Variants in DPP6 observed in about 807,000 individuals in gnomAD.
DPP6 encodes the protein dipeptidyl peptidase like 6.
A neutral mutation model predicts 122.6 loss-of-function variants in DPP6; 69 were observed. The observed-to-expected ratio is 0.56, with a 90% CI of 0.46 to 0.69. The LOEUF is 0.69. Among genes scored for constraint, DPP6 ranks in the 30% least tolerant of loss-of-function variants. DPP6 has a pLI of 0.00. For missense variants in DPP6, 928 were observed against 1,116.9 expected (o/e 0.83, Z 2.41); for synonymous variants, 418 against 433.1 (o/e 0.97, Z 0.43).
intron 7 of DPP6, among the ~76,000 whole-genome samples, chr7:154,684,883 A>G (rs1839505937): frequency 6.6e-6 from 1 of 152,232 alleles, no homozygotes; most frequent in Non-Finnish European, 1.5e-5. Context: ...TCATCACAGG[A>G]CAAGGTGCAG....
chr7:153,969,512 A>G (rs1795924208), intron 1 of DPP6, among the ~76,000 whole-genome samples: 1 of 146,938 alleles, frequency 6.8e-6, no homozygotes, highest in South Asian at 2.1e-4. Flanking sequence ...TCAGAGATAA[A>G]CTCATTAAAT....
At chr7:154,568,805 A>T (rs1830930224) in intron 5 of DPP6, among the ~76,000 whole-genome samples, 3 of 152,162 alleles carry the variant, frequency 2.0e-5, no homozygotes. Context: ...AAACCTAGGA[A>T]GTTTGAAGTG....
At chr7:154,704,683 A>AT (rs1219724999) in intron 7 of DPP6, among the ~76,000 whole-genome samples, 1 of 152,236 alleles carries the variant, frequency 6.6e-6, no homozygotes, top group Non-Finnish European at 1.5e-5. Flanking sequence ...GATTGTTAGC[A>AT]TTTTTTAGCA....
At chr7:154,401,110 T>A (rs1158095625) in intron 1 of DPP6, among the ~76,000 whole-genome samples, 1 of 151,570 alleles carries the variant, frequency 6.6e-6, no homozygotes, top group Non-Finnish European at 1.5e-5. Flanking sequence ...GGCAGGAGAA[T>A]CACTCGAACC....
At chr7:154,534,388 A>G (rs1001241254) in intron 3 of DPP6, among the ~76,000 whole-genome samples, 1 of 152,194 alleles carries the variant, frequency 6.6e-6, no homozygotes, top group African/African-American at 2.4e-5. Flanking sequence ...TGGTTAGTGC[A>G]GTAAAGCCAA....
intron 1 of DPP6, among the ~76,000 whole-genome samples, chr7:154,133,606 G>A (rs1331384815): frequency 6.6e-6 from 1 of 152,158 alleles, no homozygotes; most frequent in Non-Finnish European, 1.5e-5. Flanking sequence ...TATAGTTTTT[G>A]TACAATTTGG....
At chr7:154,063,385 G>GCA (rs1802347284) in intron 1 of DPP6, among the ~76,000 whole-genome samples, 3 of 134,186 alleles carry the variant, frequency 2.2e-5, no homozygotes, top group Non-Finnish European at 3.2e-5. Flanking sequence ...CCACGAGGGT[G>GCA]GGGACTGAGA....
chr7:154,517,184 G>A (rs527619721), intron 3 of DPP6, among the ~76,000 whole-genome samples: 9 of 152,288 alleles, frequency 5.9e-5, no homozygotes, highest in African/African-American at 1.9e-4. Context: ...GGACATGTAG[G>A]AGGCACCCCC....
chr7:154,206,101 TC>T (rs1799431530), intron 1 of DPP6, among the ~76,000 whole-genome samples: 1 of 152,240 alleles, frequency 6.6e-6, no homozygotes, highest in Non-Finnish European at 1.5e-5. Context: ...GGGCAGGATG[TC>T]CCACAACACA....
chr7:153,826,153 G>A, the DPP6 span, among the ~76,000 whole-genome samples: 1 of 152,182 alleles, frequency 6.6e-6, no homozygotes, highest in Non-Finnish European at 1.5e-5. Flanking sequence ...TGAACTGCCA[G>A]GGCCATCTCC....
At chr7:154,653,056 A>T (rs548671864) in intron 6 of DPP6, among the ~76,000 whole-genome samples, 1 of 152,328 alleles carries the variant, frequency 6.6e-6, no homozygotes, top group African/African-American at 2.4e-5. Flanking sequence ...CTCTTGCCAC[A>T]GGCCAAAAAG....
At chr7:154,280,733 T>C (rs1804447135) in intron 1 of DPP6, among the ~76,000 whole-genome samples, 1 of 152,222 alleles carries the variant, frequency 6.6e-6, no homozygotes, top group Non-Finnish European at 1.5e-5. Context: ...TATCTTTTCT[T>C]AACATTTTCT....
At chr7:154,351,810 G>A (rs1242882830) in intron 1 of DPP6, among the ~76,000 whole-genome samples, 1 of 152,154 alleles carries the variant, frequency 6.6e-6, no homozygotes, top group African/African-American at 2.4e-5. Context: ...GCCTCTGGGT[G>A]TATCATCTTT....
At chr7:154,536,975 T>A (rs1828312902) in intron 3 of DPP6, among the ~76,000 whole-genome samples, 1 of 152,192 alleles carries the variant, frequency 6.6e-6, no homozygotes, top group Non-Finnish European at 1.5e-5. Flanking sequence ...TTCAAAAGTG[T>A]TTCAGAAAAT....
chr7:153,906,522 C>G (rs1364232768), intron 1 of DPP6, among the ~76,000 whole-genome samples: 1 of 152,198 alleles, frequency 6.6e-6, no homozygotes, highest in African/African-American at 2.4e-5. Context: ...ATGATCTTGG[C>G]TCGCTGCAGC....
intron 1 of DPP6, among the ~76,000 whole-genome samples, chr7:154,328,815 A>C (rs2151032865): frequency 6.6e-6 from 1 of 152,140 alleles, no homozygotes; most frequent in Non-Finnish European, 1.5e-5. Context: ...CGGTGGTCAC[A>C]CTTTGACAGA....
intron 8 of DPP6, among the ~76,000 whole-genome samples, chr7:154,750,610 C>A (rs1448728593): frequency 6.6e-6 from 1 of 152,176 alleles, no homozygotes; most frequent in Non-Finnish European, 1.5e-5. Context: ...GGTCGGCTTC[C>A]TCCTCTCTGC....
Position 154,893,802 on chromosome 7 carries a change from C to T in DPP6, c.*1322C>T, listed in dbSNP as rs1806839096. 6.6e-6 allele frequency: 1 copy of T among 152,280 alleles called. No individual in the cohort carries two copies. Among genetic ancestry groups the T allele is most frequent in the Admixed American group, 6.5e-5 (1 of 15,288 alleles). 9.4% of individuals were successfully genotyped at this position (152,280 alleles called of 1,614,324 possible). ...CCCGTGTTGAGCCTGCATGCTGACA[C>T]TGTGGCCGATCTGGACTCTAGAAGT... On this transcript the variant is annotated 3_prime_UTR_variant, in exon 26 of 26. Transcript: ENST00000377770.
chr7:153,786,668 G>A, the DPP6 span, among the ~76,000 whole-genome samples: 18 of 147,486 alleles, frequency 1.2e-4, no homozygotes, highest in East Asian at 3.7e-3. Context: ...GAACCCGGGA[G>A]GCGGAGCTTG....
Sources: gnomAD v4.1 joint callset for allele counts (sites outside exome capture counted in the v4.1 genomes callset) on GRCh38, gnomAD v4.1.1 for gene constraint, MANE v1.5 for transcripts, NCBI Gene and HGNC (gene_info 2026-07-23, HGNC 2026-07-21) for gene names.